The following HDAC4 variants were observed in gnomAD, a reference collection of about 807,000 sequenced individuals.
The protein encoded by HDAC4 is histone deacetylase 4.
A neutral mutation model predicts 135.1 loss-of-function variants in HDAC4; 16 were observed. The observed-to-expected ratio is 0.12, with a 90% CI of 0.08 to 0.18. HDAC4 has a LOEUF of 0.18. HDAC4 is among the 10% of genes least tolerant of loss of function. HDAC4 has a pLI of 1.00. For synonymous variants in HDAC4, 685 were observed against 653.4 expected (o/e 1.05, Z -0.74); for missense variants, 1,143 against 1,511.8 (o/e 0.76, Z 4.05).
At chr2:239,159,397 C>T (rs1179527745) in intron 6 of HDAC4, among the ~76,000 whole-genome samples, 1 of 149,976 alleles carries the variant, frequency 6.7e-6, no homozygotes, top group Non-Finnish European at 1.5e-5. Flanking sequence ...AACCTATACC[C>T]ACCCACACCC....
chr2:239,367,892 C>T (rs1180840978), intron 1 of HDAC4, among the ~76,000 whole-genome samples: 1 of 152,048 alleles, frequency 6.6e-6, no homozygotes, highest in Admixed American at 6.5e-5. Context: ...GCAGTAGAAT[C>T]GCTTAAACCT....
chr2:239,391,064 G>A (rs1696169220), intron 1 of HDAC4, among the ~76,000 whole-genome samples: 1 of 152,240 alleles, frequency 6.6e-6, no homozygotes, highest in Admixed American at 6.5e-5. Context: ...CTCAGGGCCA[G>A]GGGCCTCGGC....
chr2:239,153,033 G>A (rs2042210526), intron 7 of HDAC4, among the ~76,000 whole-genome samples: 4 of 152,208 alleles, frequency 2.6e-5, no homozygotes. Context: ...GGCGGGTGAA[G>A]GAGCTGGGTA....
chr2:239,155,258 C>T (rs2042351193), intron 7 of HDAC4, among the ~76,000 whole-genome samples: 1 of 151,826 alleles, frequency 6.6e-6, no homozygotes, highest in Non-Finnish European at 1.5e-5. Context: ...CATGGCCGGC[C>T]TGATATGGTC....
intron 6 of HDAC4, among the ~76,000 whole-genome samples, chr2:239,159,931 C>T (rs1394820727): frequency 2.6e-5 from 4 of 152,268 alleles, no homozygotes; most frequent in Admixed American, 6.5e-5. Flanking sequence ...CCTTGTCTTC[C>T]GGAGGAAGAT....
chr2:239,364,107 G>T (rs1318083891), intron 1 of HDAC4, among the ~76,000 whole-genome samples: 2 of 152,178 alleles, frequency 1.3e-5, no homozygotes, highest in Non-Finnish European at 2.9e-5. Context: ...CACACACGAG[G>T]TTACAAAACA....
chr2:239,223,550 AC>A (rs2047081816), intron 3 of HDAC4, among the ~76,000 whole-genome samples: 1 of 152,236 alleles, frequency 6.6e-6, no homozygotes, highest in Non-Finnish European at 1.5e-5. Flanking sequence ...CAGTTCCTGA[AC>A]CAGTAACTAC....
At chr2:239,128,182 T>C (rs2040324845) in intron 11 of HDAC4, among the ~76,000 whole-genome samples, 2 of 152,226 alleles carry the variant, frequency 1.3e-5, no homozygotes, top group African/African-American at 2.4e-5. Context: ...TAAATTACAG[T>C]GAATAACTAA....
chr2:239,190,901 T>C, intron 3 of HDAC4: 1 of 458,032 alleles, frequency 2.2e-6, no homozygotes, highest in South Asian at 1.6e-5. Context: ...ATTACAGATA[T>C]CACAAACAGC....
chr2:239,280,597 G>A (rs2050648794), intron 2 of HDAC4, among the ~76,000 whole-genome samples: 1 of 152,122 alleles, frequency 6.6e-6, no homozygotes. Context: ...GTGCATTGTG[G>A]CCTCTGCCAG....
chr2:239,391,385 G>C (rs1403116029), intron 1 of HDAC4, among the ~76,000 whole-genome samples: 2 of 152,178 alleles, frequency 1.3e-5, no homozygotes, highest in Non-Finnish European at 2.9e-5. Flanking sequence ...CTGCTGCAGA[G>C]ACACCCTGAG....
At chr2:239,054,967 A>G (rs915896384) in intron 24 of HDAC4, 134 bp from the exon 25 acceptor site, 1 of 707,742 alleles carries the variant, frequency 1.4e-6, no homozygotes, top group Admixed American at 2.1e-5. Context: ...GAGTAGAAAA[A>G]AATAACTTTA....
chr2:239,189,733 G>T, intron 4 of HDAC4, 100 bp downstream of exon 4: 2 of 1,201,084 alleles, frequency 1.7e-6, no homozygotes, highest in Non-Finnish European at 2.4e-6. Context: ...CCTGCATCAT[G>T]CCTGGGGCCC....
chr2:239,162,771 C>T (rs2042891783), intron 6 of HDAC4, among the ~76,000 whole-genome samples: 1 of 152,140 alleles, frequency 6.6e-6, no homozygotes, highest in African/African-American at 2.4e-5. Flanking sequence ...ACGTGGGCCA[C>T]CTGTGCTGGA....
intron 2 of HDAC4, among the ~76,000 whole-genome samples, chr2:239,305,012 C>A (rs778841454): frequency 2.0e-5 from 3 of 152,182 alleles, no homozygotes; most frequent in Non-Finnish European, 4.4e-5. Context: ...TTCTTCCAGC[C>A]GGCCTGGGGC....
intron 1 of HDAC4, among the ~76,000 whole-genome samples, chr2:239,371,351 G>A (rs548219932): frequency 5.2e-4 from 78 of 151,218 alleles, no homozygotes; most frequent in African/African-American, 5.6e-4. Context: ...ACTCAAACAC[G>A]CACACTCAAA....
chr2:239,398,994 C>G (rs1002904623), intron 1 of HDAC4, among the ~76,000 whole-genome samples: 12 of 152,196 alleles, frequency 7.9e-5, no homozygotes, highest in Non-Finnish European at 1.3e-4. Context: ...GCCCAGAACA[C>G]AGAAAGCTAT....
chr2:239,334,615 C>G (rs369675786), intron 2 of HDAC4, among the ~76,000 whole-genome samples: 6 of 152,042 alleles, frequency 3.9e-5, no homozygotes, highest in Non-Finnish European at 2.9e-5. Context: ...AATAGAGAGA[C>G]GTAGCATATT....
chr2:239,386,992 G>A (rs1276296381), intron 1 of HDAC4, among the ~76,000 whole-genome samples: 4 of 152,256 alleles, frequency 2.6e-5, no homozygotes, highest in Admixed American at 1.3e-4. Context: ...GAGCCAGACT[G>A]CACACGACTC....
Sources: allele counts gnomAD v4.1 joint callset (sites outside exome capture counted in the v4.1 genomes callset), GRCh38; gene constraint gnomAD v4.1.1; transcripts MANE v1.5; gene names NCBI Gene and HGNC (gene_info 2026-07-23, HGNC 2026-07-21).